SIPA1L2: variants seen among roughly 807,000 people sequenced by gnomAD.
The protein encoded by SIPA1L2 is signal induced proliferation associated 1 like 2, also known as signal-induced proliferation-associated 1-like protein 2.
In SIPA1L2, 56 loss-of-function variants were observed where a neutral mutation model predicts 163.9. The observed-to-expected ratio is 0.34, with a 90% CI of 0.28 to 0.43. SIPA1L2 has a LOEUF of 0.43. Ranked by LOEUF, SIPA1L2 falls within the 20% of genes least tolerant of loss-of-function variation. The probability of loss-of-function intolerance (pLI) is 1.00; values close to 1 mark genes in which losing one functional copy is unlikely to be tolerated. For synonymous variants in SIPA1L2, 877 were observed against 865.7 expected, an observed-to-expected ratio of 1.01 and a Z score of -0.23; for missense variants, 1,974 against 2,193.5, an observed-to-expected ratio of 0.90 and a Z score of 2.00.
At chr1:232,489,679 T>C (rs780610464) in intron 5 of SIPA1L2, among the ~76,000 whole-genome samples, 30 of 152,230 alleles carry the variant, frequency 2.0e-4, no homozygotes, top group Non-Finnish European at 3.8e-4. Context: ...AACCACAGTA[T>C]TATTTGGTCA....
intron 3 of SIPA1L2, among the ~76,000 whole-genome samples, chr1:232,503,960 G>A (rs560953676): frequency 2.6e-5 from 4 of 152,190 alleles, no homozygotes; most frequent in African/African-American, 9.7e-5. Context: ...GGAGGCAGAA[G>A]GAGAAGGATT....
intron 1 of SIPA1L2, among the ~76,000 whole-genome samples, chr1:232,584,576 T>C (rs1363697625): frequency 6.6e-6 from 1 of 152,222 alleles, no homozygotes; most frequent in Non-Finnish European, 1.5e-5. Context: ...TTCTGAAGGC[T>C]CTCATGTGAT....
intron 10 of SIPA1L2, among the ~76,000 whole-genome samples, chr1:232,454,440 A>G (rs1404045704): frequency 6.6e-6 from 1 of 152,242 alleles, no homozygotes; most frequent in East Asian, 1.9e-4. Flanking sequence ...ACTGGACAGA[A>G]GCTCAGCACG....
intron 2 of SIPA1L2, among the ~76,000 whole-genome samples, chr1:232,562,109 T>C (rs1156958315): frequency 6.6e-6 from 1 of 152,070 alleles, no homozygotes; most frequent in Non-Finnish European, 1.5e-5. Flanking sequence ...GAAGTACTGA[T>C]GAGGAGAAAT....
chr1:232,511,240 G>C (rs1389176148), intron 3 of SIPA1L2, among the ~76,000 whole-genome samples: 1 of 152,098 alleles, frequency 6.6e-6, no homozygotes, highest in African/African-American at 2.4e-5. Context: ...AAGTAACTAT[G>C]GTGTTAACAC....
intron 1 of SIPA1L2, among the ~76,000 whole-genome samples, chr1:232,623,241 A>G (rs1332876195): frequency 6.6e-6 from 1 of 152,198 alleles, no homozygotes. Flanking sequence ...TAGGCTGTCA[A>G]TCTGAACTTT....
chr1:232,546,886 C>G (rs1558259884), intron 2 of SIPA1L2, among the ~76,000 whole-genome samples: 1 of 152,180 alleles, frequency 6.6e-6, no homozygotes, highest in Non-Finnish European at 1.5e-5. Context: ...AACGAATACT[C>G]AGATCCTCAA....
intron 1 of SIPA1L2, among the ~76,000 whole-genome samples, chr1:232,603,549 G>C (rs12137777): frequency 0.015 from 2,295 of 152,228 alleles, 21 homozygotes; most frequent in Non-Finnish European, 0.022. Context: ...GCGGCCTGAG[G>C]ACAAGCCGTA....
intron 17 of SIPA1L2, among the ~76,000 whole-genome samples, chr1:232,427,762 G>T (rs892811092): frequency 6.6e-6 from 1 of 152,176 alleles, no homozygotes; most frequent in African/African-American, 2.4e-5. Flanking sequence ...CTGAACTTGG[G>T]GTTGGTTTAT....
intron 1 of SIPA1L2, among the ~76,000 whole-genome samples, chr1:232,579,133 C>T (rs1660232310): frequency 6.6e-6 from 1 of 152,156 alleles, no homozygotes; most frequent in Admixed American, 6.5e-5. Context: ...TTTGTTCTTA[C>T]CAGCAGGTTC....
chr1:232,458,923 A>C (rs971096727), intron 10 of SIPA1L2, among the ~76,000 whole-genome samples: 6 of 152,346 alleles, frequency 3.9e-5, no homozygotes, highest in African/African-American at 1.4e-4. Context: ...AGACAGATTC[A>C]ACTAGGCAGA....
intron 1 of SIPA1L2, among the ~76,000 whole-genome samples, chr1:232,607,873 C>G (rs571039021): frequency 1.3e-5 from 2 of 151,152 alleles, no homozygotes; most frequent in Non-Finnish European, 2.9e-5. Flanking sequence ...CTGACCAACA[C>G]GGAGAAACCC....
chr1:232,420,266 C>T lies in SIPA1L2; in HGVS notation c.4631-4641G>A, dbSNP rs184245284. Among the ~76,000 whole-genome samples, 693 of 151,472 alleles carry T rather than the reference C, an allele frequency of 4.6e-3. 5 individuals carry two copies. The highest frequency in any genetic ancestry group is 0.016 in the African/African-American group (668 of 41,266). ...TGAACCCGGGAGGTGGTGGCTGCAG[C>T]GAGCCAAGATCACGCCACTGCACTC... On this transcript the variant is annotated intron_variant, in intron 18 of 22. Coordinates refer to ENST00000674635, the MANE Select transcript of SIPA1L2 (RefSeq NM_020808.5).
At chr1:232,576,102 C>A (rs1660063474) in intron 1 of SIPA1L2, among the ~76,000 whole-genome samples, 1 of 152,152 alleles carries the variant, frequency 6.6e-6, no homozygotes, top group African/African-American at 2.4e-5. Flanking sequence ...GGTTGCACAA[C>A]AGTCTCAATC....
intron 2 of SIPA1L2, among the ~76,000 whole-genome samples, chr1:232,573,822 C>G (rs2102785023): frequency 6.6e-6 from 1 of 152,274 alleles, no homozygotes; most frequent in South Asian, 2.1e-4. Context: ...CACCAACATG[C>G]TCACGTGTTG....
intron 2 of SIPA1L2, among the ~76,000 whole-genome samples, chr1:232,516,630 A>AT (rs77019423): frequency 1.7e-3 from 252 of 145,566 alleles, no homozygotes; most frequent in Middle Eastern, 3.6e-3. Context: ...TCATCCCTAA[A>AT]TTTTTTTTTT....
In SIPA1L2 at chr1:232,493,535, T is replaced by C. The variant is rs1666035575; in HGVS notation, c.1609A>G (p.Thr537Ala). ...GCAAGCAGCCCCATTACCTCACTTG[T>C]CCTGAAAGCCACCCTGTAGTTGAAC... ...SQFNYRVAFRTSELTTLRGAI... is the reference protein window; with the variant it reads ...SQFNYRVAFRASELTTLRGAI... Residue 537 changes from threonine (T) to alanine (A), a missense_variant, in exon 4 of 23, where the codon ACA becomes GCA. Transcript: ENST00000674635. The C allele has an allele frequency of 1.2e-6, 2 of 1,613,932 alleles. No homozygotes were observed. Among genetic ancestry groups the C allele is most frequent in the Admixed American group, 1.7e-5 (1 of 59,992 alleles).
intron 19 of SIPA1L2, among the ~76,000 whole-genome samples, chr1:232,406,939 A>G (rs1160557214): frequency 6.6e-6 from 1 of 152,222 alleles, no homozygotes; most frequent in African/African-American, 2.4e-5. Context: ...AGAAAATTAA[A>G]AGTTTTGATT....
chr1:232,411,055 C>T (rs1286343467), intron 19 of SIPA1L2, among the ~76,000 whole-genome samples: 1 of 152,182 alleles, frequency 6.6e-6, no homozygotes, highest in African/African-American at 2.4e-5. Flanking sequence ...ATCAGCCAAG[C>T]TGGGCAGGCA....
Sources: allele counts gnomAD v4.1 joint callset (sites outside exome capture counted in the v4.1 genomes callset), GRCh38; gene constraint gnomAD v4.1.1; transcripts MANE v1.5; gene names NCBI Gene and HGNC (gene_info 2026-07-23, HGNC 2026-07-21).